Variants in KDM4C observed in about 807,000 individuals in gnomAD.
KDM4C encodes lysine demethylase 4C, also known as lysine-specific demethylase 4C.
Under a neutral mutation model 129.3 loss-of-function variants are expected in KDM4C, and 81 were observed. That is an observed-to-expected ratio of 0.63 (90% confidence interval 0.52 to 0.75). The LOEUF (loss-of-function observed/expected upper bound fraction) is 0.75. Among genes scored for constraint, KDM4C ranks in the 30% least tolerant of loss-of-function variants. The pLI is 0.00. For synonymous variants in KDM4C, 573 were observed against 456.1 expected (o/e 1.26, Z -3.26); for missense variants, 1,457 against 1,304.0 (o/e 1.12, Z -1.81).
At chr9:6,840,547 C>T (rs1836728424) in intron 4 of KDM4C, among the ~76,000 whole-genome samples, 1 of 152,136 alleles carries the variant, frequency 6.6e-6, no homozygotes, top group South Asian at 2.1e-4. Context: ...CAGGCGTCTG[C>T]CACCACGCCT....
intron 17 of KDM4C, among the ~76,000 whole-genome samples, chr9:7,096,551 G>GA (rs1836459185): frequency 6.6e-6 from 1 of 152,322 alleles, no homozygotes; most frequent in East Asian, 1.9e-4. Flanking sequence ...GTCAGACTGT[G>GA]AAGTCAGACA....
chr9:6,968,701 C>T (rs911457340), intron 8 of KDM4C, among the ~76,000 whole-genome samples: 1 of 152,050 alleles, frequency 6.6e-6, no homozygotes, highest in Non-Finnish European at 1.5e-5. Flanking sequence ...ATGCCAGTTA[C>T]TTAACATTAT....
At chr9:6,839,566 A>G (rs1225240324) in intron 4 of KDM4C, among the ~76,000 whole-genome samples, 3 of 151,998 alleles carry the variant, frequency 2.0e-5, no homozygotes, top group African/African-American at 7.3e-5. Flanking sequence ...AATTCTTAAA[A>G]ATGAGTGTTT....
upstream of KDM4C, among the ~76,000 whole-genome samples, chr9:6,754,827 A>G (rs1479572790): frequency 2.1e-5 from 3 of 146,212 alleles, no homozygotes; most frequent in Non-Finnish European, 4.5e-5. Flanking sequence ...TTGAGCCGTG[A>G]TAGTGCCACT....
chr9:6,761,001 T>C (rs1344317166), intron 1 of KDM4C, among the ~76,000 whole-genome samples: 1 of 134,342 alleles, frequency 7.4e-6, no homozygotes, highest in Non-Finnish European at 1.5e-5. Flanking sequence ...TTCCTGGATG[T>C]CTTTTTTTTT....
At position 7,122,933 on chromosome 9, in the gene KDM4C, A is replaced by G. The variant is rs564299826; in HGVS notation, c.2611-5133A>G. ...CCTGTCTTCTCTGATCAGAAATGAC[A>G]TTCTTAACATCAATAGATTCTTAGA... On this transcript the variant is annotated intron_variant, in intron 18 of 21. Coordinates refer to ENST00000381309, the MANE Select transcript of KDM4C (RefSeq NM_015061.6). 2.0e-5 allele frequency among the ~76,000 whole-genome samples: 3 copies of G among 152,352 alleles called. No homozygotes were observed. In the South Asian group the frequency reaches 6.2e-4, roughly 32 times the overall value.
intron 1 of KDM4C, among the ~76,000 whole-genome samples, chr9:6,765,830 C>G (rs1328406458): frequency 1.3e-5 from 2 of 152,050 alleles, no homozygotes; most frequent in African/African-American, 2.4e-5. Flanking sequence ...TCTCTGTCAC[C>G]CAGGCTGGAG....
chr9:7,012,142 C>T (rs1048476913), intron 13 of KDM4C, among the ~76,000 whole-genome samples: 2 of 152,196 alleles, frequency 1.3e-5, no homozygotes, highest in Admixed American at 1.3e-4. Flanking sequence ...AATCATGACT[C>T]CGTGCAGGCT....
intron 11 of KDM4C, among the ~76,000 whole-genome samples, chr9:6,987,456 A>T (rs1817930937): frequency 6.6e-6 from 1 of 152,186 alleles, no homozygotes; most frequent in Admixed American, 6.5e-5. Context: ...GTCTGTAGCG[A>T]TTGTCAGAAT....
chr9:7,082,275 A>T (rs138706475), intron 17 of KDM4C, among the ~76,000 whole-genome samples: 204 of 152,300 alleles, frequency 1.3e-3, no homozygotes, highest in African/African-American at 4.8e-3. Flanking sequence ...AGAGACTCAG[A>T]CCAGAAGGCC....
chr9:7,158,577 T>C (rs1843442771), intron 19 of KDM4C, among the ~76,000 whole-genome samples: 1 of 152,232 alleles, frequency 6.6e-6, no homozygotes, highest in South Asian at 2.1e-4. Flanking sequence ...CATCTTTATG[T>C]CTGCCTTCAT....
At chr9:6,803,735 C>G (rs982381086) in intron 2 of KDM4C, among the ~76,000 whole-genome samples, 10 of 146,118 alleles carry the variant, frequency 6.8e-5, no homozygotes, top group African/African-American at 2.3e-4. Context: ...TGGCGAAACC[C>G]CATCTGTAAC....
chr9:7,070,577 G>T (rs1340244639), intron 17 of KDM4C, among the ~76,000 whole-genome samples: 1 of 152,062 alleles, frequency 6.6e-6, no homozygotes, highest in African/African-American at 2.4e-5. Context: ...ATCAATCAAT[G>T]TAATTAGCTA....
At chr9:6,813,921 T>A (rs1290567343) in intron 3 of KDM4C, among the ~76,000 whole-genome samples, 2 of 152,196 alleles carry the variant, frequency 1.3e-5, no homozygotes, top group African/African-American at 4.8e-5. Flanking sequence ...TGTATTTTTT[T>A]TAGCTAATTA....
chr9:6,804,724 T>A (rs1223668462), intron 2 of KDM4C, among the ~76,000 whole-genome samples: 21 of 139,650 alleles, frequency 1.5e-4, no homozygotes, highest in Middle Eastern at 4.1e-3. Context: ...GTGCCACTGC[T>A]CCCCAGCCGA....
intron 8 of KDM4C, among the ~76,000 whole-genome samples, chr9:6,980,547 A>G (rs1334769068): frequency 6.6e-6 from 1 of 152,126 alleles, no homozygotes; most frequent in African/African-American, 2.4e-5. Flanking sequence ...GGGTTATTTT[A>G]TTTGTTGACA....
chr9:6,739,037 C>T (rs928672086), intron 1 of KDM4C, among the ~76,000 whole-genome samples: 5 of 151,434 alleles, frequency 3.3e-5, no homozygotes, highest in African/African-American at 7.3e-5. Context: ...CCTCCACATC[C>T]GGATTTTTTC....
At chr9:6,767,380 A>G (rs1820847181) in intron 1 of KDM4C, among the ~76,000 whole-genome samples, 1 of 151,502 alleles carries the variant, frequency 6.6e-6, no homozygotes, top group Non-Finnish European at 1.5e-5. Flanking sequence ...TGACCTTGTG[A>G]TCCGCCTGCC....
In KDM4C at chr9:6,725,389, A is replaced by G. The variant is rs529575540; in HGVS notation, c.49+4392A>G. Among the ~76,000 whole-genome samples, 22 of 151,950 alleles carry G rather than the reference A, an allele frequency of 1.4e-4. No homozygotes were observed. In the South Asian group the frequency reaches 3.3e-3, roughly 23 times the overall value. On this transcript the variant is annotated intron_variant, in intron 1 of 17. Transcript: ENST00000536108. ...CAGAGACTTGCTTATAACCTTTATG[A>G]TATTTTTCTGGATAGTGGTAATTGC...
Sources: gnomAD v4.1 joint callset for allele counts (sites outside exome capture counted in the v4.1 genomes callset) on GRCh38, gnomAD v4.1.1 for gene constraint, MANE v1.5 for transcripts, NCBI Gene and HGNC (gene_info 2026-07-23, HGNC 2026-07-21) for gene names.